LEMD2: variants seen among roughly 807,000 people sequenced by gnomAD.
The protein encoded by LEMD2 is LEM domain-containing protein 2.
A neutral mutation model predicts 58.8 loss-of-function variants in LEMD2; 34 were observed. That is an observed-to-expected ratio of 0.58 (90% CI 0.44 to 0.77). The LOEUF is 0.77. Ranked by LOEUF, LEMD2 falls within the 30% of genes least tolerant of loss-of-function variation. The pLI, the probability that LEMD2 is intolerant of heterozygous loss-of-function variation, is 0.00. For missense variants in LEMD2, 629 were observed against 717.9 expected, an observed-to-expected ratio of 0.88 and a Z score of 1.42; for synonymous variants, 298 against 308.9, an observed-to-expected ratio of 0.96 and a Z score of 0.37.
At chr6:33,775,830 G>A (rs905513002) in intron 8 of LEMD2, among the ~76,000 whole-genome samples, 1 of 152,216 alleles carries the variant, frequency 6.6e-6, no homozygotes, top group Non-Finnish European at 1.5e-5. Flanking sequence ...CCAAGTGAGT[G>A]AGTTTGCATC....
At chr6:33,781,246 T>G in intron 3 of LEMD2, 93 bp from the exon 4 acceptor site, 3 of 796,088 alleles carry the variant, frequency 3.8e-6, no homozygotes, top group Admixed American at 2.2e-5. Flanking sequence ...CCATCAGCTC[T>G]AATAAGGAGC....
rs764456275 is a variant in LEMD2, at chr6:33,786,754, A to T, written c.757T>A (p.Cys253Ser). 1 of 1,613,886 alleles carries T rather than the reference A, an allele frequency of 6.2e-7. No individual in the cohort carries two copies. The highest frequency in any genetic ancestry group is 1.1e-5 in the South Asian group (1 of 91,030). The change falls in exon 2 of 9, where the codon TGT becomes AGT. Residue 253 changes from cysteine to serine, a missense_variant. By Grantham distance (112) the Cys-to-Ser change is moderately radical (BLOSUM62 -1). This residue lies in a region of LEMD2 where 243 missense variants were observed against 336.8 expected (regional missense o/e 0.72). Coordinates refer to ENST00000293760, the MANE Select transcript of LEMD2 (RefSeq NM_181336.4). ...CTCACCTCATCTGTTTTTCTCTCAC[A>T]GTCCACTGGCAATAACTTCACTGAG... ...EDNMKLLPVD[C>S]ERKTDEFCQA...
chr6:33,776,280 A>G (rs937072077), intron 8 of LEMD2, among the ~76,000 whole-genome samples: 4 of 152,368 alleles, frequency 2.6e-5, no homozygotes, highest in Admixed American at 2.0e-4. Context: ...TCATGGTTTA[A>G]AAAGTTTGAA....
chr6:33,786,842 A>G, intron 1 of LEMD2, 68 bp from the exon 2 acceptor site: 1 of 1,600,582 alleles, frequency 6.2e-7, no homozygotes, highest in Non-Finnish European at 8.5e-7. Context: ...AAAAGAGACT[A>G]CTCACAACAT....
At chr6:33,780,235 A>G in intron 4 of LEMD2, 56 bp from the exon 5 acceptor site, 3 of 1,422,184 alleles carry the variant, frequency 2.1e-6, no homozygotes, top group Admixed American at 2.0e-5. Flanking sequence ...CAGCTGGAAC[A>G]TTATTCTGCT....
In LEMD2 at chr6:33,783,364, T is replaced by C. The variant is rs112365217; in HGVS notation, c.853+988A>G. Among the ~76,000 whole-genome samples, 971 of 152,310 alleles carry C rather than the reference T, an allele frequency of 6.4e-3. 4 individuals carry two copies. Among genetic ancestry groups the C allele is most frequent in the South Asian group, 0.039 (188 of 4,826 alleles). On this transcript the variant is annotated intron_variant, in intron 3 of 8. Transcript: ENST00000293760. ...GCAGAAGAGCTGATGCTCATGAGAT[T>C]GACCCTGAGGACTGAGGGCCCAGGA...
intron 7 of LEMD2, 35 bp downstream of exon 7, chr6:33,777,103 G>C (rs113782257): frequency 1.9e-6 from 3 of 1,610,168 alleles, no homozygotes; most frequent in Middle Eastern, 1.7e-4. Context: ...TCTGGCTGGC[G>C]TCGGCAACCC....
chr6:33,783,741 T>C (rs1264346042), intron 3 of LEMD2, among the ~76,000 whole-genome samples: 6 of 152,244 alleles, frequency 3.9e-5, no homozygotes, highest in Non-Finnish European at 8.8e-5. Flanking sequence ...GTGCTGAGAA[T>C]GCCCTCCTTT....
chr6:33,780,020 T>C, intron 5 of LEMD2, 80 bp downstream of exon 5: 3 of 1,237,508 alleles, frequency 2.4e-6, no homozygotes, highest in Non-Finnish European at 3.5e-6. Flanking sequence ...GACAGCTCTG[T>C]TGGAGCACGG....
chr6:33,776,936 C>A lies in LEMD2; in HGVS notation c.1361+18G>T, dbSNP rs762815174. 6.2e-7 allele frequency: 1 copy of A among 1,603,968 alleles called. No homozygotes were observed. Among genetic ancestry groups the A allele is most frequent in the Non-Finnish European group, 8.5e-7 (1 of 1,172,370 alleles). ...ACCCCATCTTACCTCACACCCAGCG[C>A]CCCAGCCAGGGACTCACCGGCTCTG... On this transcript the variant is annotated intron_variant, in intron 8 of 8. Transcript: ENST00000293760.
In LEMD2 at chr6:33,777,132, A is replaced by G. The variant is rs1311973570; in HGVS notation, c.1258+6T>C. On this transcript the variant is annotated splice_donor_region_variant and intron_variant, in intron 7 of 8. Coordinates refer to ENST00000293760, the MANE Select transcript of LEMD2 (RefSeq NM_181336.4). ...GCAACCCTTTATTCACCAGGGGGCC[A>G]CGCACCTATAATCTTCTTCACCATC... is the stretch of plus-strand genomic sequence containing the variant. 6.2e-7 allele frequency: 1 copy of G among 1,613,280 alleles called. No homozygotes were observed. The highest frequency in any genetic ancestry group is 8.5e-7 in the Non-Finnish European group (1 of 1,179,286).
chr6:33,787,081 C>T, intron 1 of LEMD2: 1 of 381,232 alleles, frequency 2.6e-6, no homozygotes, highest in Non-Finnish European at 4.7e-6. Flanking sequence ...ATCAAATGGG[C>T]CTTCCCTGCT....
In LEMD2 at chr6:33,772,556, G is replaced by A. The variant is rs189708901; in HGVS notation, c.*72C>T. 1.9e-4 allele frequency: 283 copies of A among 1,458,972 alleles called. 3 individuals carry two copies. The highest frequency in any genetic ancestry group is 1.7e-3 in the Admixed American group (87 of 51,632). The allele number at this position is 1,458,972 out of a possible 1,614,324, so 90.4% of individuals were successfully genotyped here. On this transcript the variant is annotated 3_prime_UTR_variant, in exon 9 of 9. Coordinates refer to ENST00000293760, the MANE Select transcript of LEMD2 (RefSeq NM_181336.4). Reference sequence around the variant, plus strand: ...AGTGTGAATTCAGCACCGCAGGCCTGGTGACCCTCCTGTGCCTCTGGAGTG... The same window carrying A: ...AGTGTGAATTCAGCACCGCAGGCCTAGTGACCCTCCTGTGCCTCTGGAGTG...
rs547759797 is a variant in LEMD2 at position 33,786,990 on chromosome 6, G to T, written c.737-216C>A. On this transcript the variant is annotated intron_variant, in intron 1 of 8. Transcript: ENST00000293760. ...TAGGAATTACGATAGCTGGGTCCTT[G>T]TCCCAGCTGAAAATGATTAGCTCAA... The T allele has an allele frequency of 4.6e-4, 500 of 1,081,098 alleles. 1 individual carries two copies. Among genetic ancestry groups the T allele is most frequent in the Non-Finnish European group, 4.8e-4 (381 of 799,550 alleles). 67.0% of individuals were successfully genotyped at this position (1,081,098 alleles called of 1,614,324 possible).
At chr6:33,779,698 A>C (rs757722050) in intron 5 of LEMD2, 4 of 170,316 alleles carry the variant, frequency 2.3e-5, no homozygotes, top group Non-Finnish European at 5.1e-5. Flanking sequence ...TTCCATAGTA[A>C]GTAAAACCAA....
chr6:33,778,470 G>A lies in LEMD2; in HGVS notation c.1011-83C>T, dbSNP rs1395256193. The A allele has an allele frequency of 6.7e-6, 8 of 1,198,360 alleles. No homozygotes were observed. Among genetic ancestry groups the A allele is most frequent in the East Asian group, 2.7e-5 (1 of 36,532 alleles). 74.2% of individuals were successfully genotyped at this position (1,198,360 alleles called of 1,614,324 possible). A position where few individuals can be genotyped will look rare whatever the true frequency, so the allele number is the denominator to read the frequency against. ...AGCCCCACTTCAAACAGGAGGAAGC[G>A]AAGGAAAGTGGGGACGCAAGGCCTC... On this transcript the variant is annotated intron_variant, in intron 5 of 8. Coordinates refer to ENST00000293760, the MANE Select transcript of LEMD2 (RefSeq NM_181336.4). The surrounding 1 kb of genome is among the most constrained non-coding windows in gnomAD (Gnocchi z 4.7).
intron 8 of LEMD2, among the ~76,000 whole-genome samples, chr6:33,773,603 G>GA (rs1554148357): frequency 1.1e-4 from 16 of 149,182 alleles, no homozygotes; most frequent in African/African-American, 3.4e-4. Flanking sequence ...GCGGGGGGGG[G>GA]GCTAGGGCTT....
At position 33,777,130 on chromosome 6, in the gene LEMD2, C is replaced by T; in HGVS notation, c.1258+8G>A. 6.2e-7 allele frequency: 1 copy of T among 1,612,444 alleles called. No individual in the cohort carries two copies. Among genetic ancestry groups the T allele is most frequent in the South Asian group, 1.1e-5 (1 of 91,062 alleles). On this transcript the variant is annotated splice_region_variant and intron_variant, in intron 7 of 8. Transcript: ENST00000293760. ...CGGCAACCCTTTATTCACCAGGGGGCCACGCACCTATAATCTTCTTCACCA... is the reference window on the plus strand; with the variant it reads ...CGGCAACCCTTTATTCACCAGGGGGTCACGCACCTATAATCTTCTTCACCA...
chr6:33,784,477 G>GGGGGGGGGGGGGGCCCCCCCCCC (rs2127382384), intron 2 of LEMD2, 50 bp from the exon 3 acceptor site: 1 of 430,810 alleles, frequency 2.3e-6, no homozygotes, highest in Non-Finnish European at 4.8e-6. Context: ...GGTGGGAGGG[G>GGGGGGGGGGGGGGCCCCCCCCCC]TCCGTCTGTC....
Sources: allele counts gnomAD v4.1 joint callset (sites outside exome capture counted in the v4.1 genomes callset), GRCh38; gene constraint gnomAD v4.1.1; regional missense constraint gnomAD v4.1.1; non-coding constraint Gnocchi (gnomAD v3.1); transcripts MANE v1.5; gene names NCBI Gene and HGNC (gene_info 2026-07-23, HGNC 2026-07-21).